Variants in SENP7 observed in about 807,000 individuals in gnomAD.
SENP7 encodes the protein SUMO specific peptidase 7.
SENP7 carries 64 observed loss-of-function variants against 141.2 expected under a neutral mutation model. The observed-to-expected ratio is 0.45, with a 90% CI of 0.37 to 0.56. The LOEUF is 0.56. Ranked by LOEUF, SENP7 falls within the 20% of genes least tolerant of loss-of-function variation. The pLI is 0.00. For synonymous variants in SENP7, 382 were observed against 426.4 expected, an observed-to-expected ratio of 0.90 and a Z score of 1.28; for missense variants, 1,025 against 1,212.2, an observed-to-expected ratio of 0.85 and a Z score of 2.29.
At position 101,332,234 on chromosome 3, in the gene SENP7, A is replaced by G. The variant is rs935547521; in HGVS notation, c.2574-125T>C. On this transcript the variant is annotated intron_variant, in intron 18 of 23. Coordinates refer to ENST00000394095, the MANE Select transcript of SENP7 (RefSeq NM_020654.5). The stretch of plus-strand genomic sequence containing the variant: ...TAATTTTGAAGACATCCACTGTAAC[A>G]TCTCATTATAATATAGAGCATACAT... 29 of 905,956 alleles carry G rather than the reference A, an allele frequency of 3.2e-5. No individual in the cohort carries two copies. In the African/African-American group the frequency reaches 3.7e-4, roughly 12 times the overall value. The allele number at this position is 905,956 out of a possible 1,614,324, so 56.1% of individuals were successfully genotyped here. A position where few individuals can be genotyped will look rare whatever the true frequency, so the allele number is the denominator to read the frequency against.
intron 4 of SENP7, among the ~76,000 whole-genome samples, chr3:101,430,650 C>T (rs988685547): frequency 4.1e-4 from 62 of 152,260 alleles, no homozygotes; most frequent in African/African-American, 1.5e-3. Flanking sequence ...CTCCTGGATT[C>T]ACTGATTTTT....
intron 4 of SENP7, among the ~76,000 whole-genome samples, chr3:101,456,954 T>G (rs1204165026): frequency 1.8e-5 from 1 of 56,396 alleles, no homozygotes; most frequent in African/African-American, 5.1e-5. Context: ...TTGTTTTGTT[T>G]TGTTTTGTTT....
rs2059997662 is a variant in SENP7, at chr3:101,365,005, G to T, written c.1319-14C>A. 1 of 1,444,568 alleles carries T rather than the reference G, an allele frequency of 6.9e-7. No individual in the cohort carries two copies. 89.5% of individuals were successfully genotyped at this position (1,444,568 alleles called of 1,614,324 possible). On this transcript the variant is annotated splice_polypyrimidine_tract_variant and intron_variant, in intron 9 of 23. Coordinates refer to ENST00000394095, the MANE Select transcript of SENP7 (RefSeq NM_020654.5). ...TGGAAACAACAACTAAAACGGAAAA[G>T]AAAAATGTATTTTTGTTTATTTATT...
intron 13 of SENP7, among the ~76,000 whole-genome samples, chr3:101,346,978 G>A (rs1174445693): frequency 6.7e-6 from 1 of 149,132 alleles, no homozygotes; most frequent in African/African-American, 2.5e-5. Flanking sequence ...AGGAGGAGGA[G>A]GAAGGAGGGA....
chr3:101,471,886 C>A (rs929502187), intron 3 of SENP7, among the ~76,000 whole-genome samples: 1 of 152,178 alleles, frequency 6.6e-6, no homozygotes, highest in Non-Finnish European at 1.5e-5. Flanking sequence ...ATGCAGCCAA[C>A]AGACACATGA....
At chr3:101,441,844 A>ACGGAGTCT (rs2062686889) in intron 4 of SENP7, among the ~76,000 whole-genome samples, 1 of 152,216 alleles carries the variant, frequency 6.6e-6, no homozygotes, top group Non-Finnish European at 1.5e-5. Flanking sequence ...TCTCCGTTAG[A>ACGGAGTCT]AACCACAGAT....
In SENP7 at chr3:101,340,981, G is replaced by A. The variant is rs79706682; in HGVS notation, c.2240+665C>T. 6.1e-3 allele frequency among the ~76,000 whole-genome samples: 923 copies of A among 152,276 alleles called. 11 individuals are homozygous for A. The highest frequency in any genetic ancestry group is 0.021 in the African/African-American group (891 of 41,544). On this transcript the variant is annotated intron_variant, in intron 15 of 23. Coordinates refer to ENST00000394095, the MANE Select transcript of SENP7 (RefSeq NM_020654.5). ...AATATGTACTTCTTGCGCCAGAAAG[G>A]TTCAGTATGGTAAGAGTCATCCACA...
At chr3:101,430,540 T>G (rs2062127013) in intron 4 of SENP7, among the ~76,000 whole-genome samples, 1 of 152,222 alleles carries the variant, frequency 6.6e-6, no homozygotes, top group Non-Finnish European at 1.5e-5. Context: ...GATATCCCCT[T>G]TATCATTTTT....
At chr3:101,430,022 T>C (rs1212363924) in intron 4 of SENP7, among the ~76,000 whole-genome samples, 5 of 152,214 alleles carry the variant, frequency 3.3e-5, no homozygotes, top group Admixed American at 2.0e-4. Flanking sequence ...CAGCTTTGCA[T>C]CCCAGTGATG....
chr3:101,403,271 T>TA (rs758897481), intron 5 of SENP7, among the ~76,000 whole-genome samples: 3 of 152,208 alleles, frequency 2.0e-5, no homozygotes, highest in Non-Finnish European at 4.4e-5. Flanking sequence ...GCACTATGAC[T>TA]AAAACAATGC....
At chr3:101,330,493 TA>T in intron 19 of SENP7, 107 bp from the exon 20 acceptor site, 5 of 579,624 alleles carry the variant, frequency 8.6e-6, no homozygotes, top group Non-Finnish European at 1.5e-5. Context: ...GGATGCACAG[TA>T]AAAATACTTG....
chr3:101,330,413 G>C, intron 19 of SENP7, 27 bp from the exon 20 acceptor site: 1 of 1,528,120 alleles, frequency 6.5e-7, no homozygotes, highest in Non-Finnish European at 9.0e-7. Flanking sequence ...AAGCAGTTAT[G>C]AGTGTTTATT....
intron 9 of SENP7, 82 bp downstream of exon 9, chr3:101,366,348 C>T: frequency 9.3e-7 from 1 of 1,079,812 alleles, no homozygotes; most frequent in Non-Finnish European, 1.3e-6. Flanking sequence ...ATGGCCTTAG[C>T]CAAATTTGTT....
chr3:101,509,008 T>A (rs1044620348), intron 1 of SENP7, among the ~76,000 whole-genome samples: 1 of 152,182 alleles, frequency 6.6e-6, no homozygotes, highest in African/African-American at 2.4e-5. Context: ...TCTCAAGATC[T>A]GTCTATATCT....
rs142118812 is a variant in SENP7, at chr3:101,497,299, A to G, written c.91-3331T>C. ...ATATGTATGTTGTATGTGTGAACAT[A>G]TATTTTTCTAGTCTTGTCTGTTGAG... On this transcript the variant is annotated intron_variant, in intron 2 of 23. Coordinates refer to ENST00000394095, the MANE Select transcript of SENP7 (RefSeq NM_020654.5). Among the ~76,000 whole-genome samples the G allele has an allele frequency of 3.9e-3, 598 of 152,346 alleles. 3 individuals are homozygous for G. Among genetic ancestry groups the G allele is most frequent in the African/African-American group, 0.014 (568 of 41,582 alleles).
chr3:101,351,751 A>G (rs947272646), intron 11 of SENP7, 100 bp from the exon 12 acceptor site: 17 of 882,572 alleles, frequency 1.9e-5, no homozygotes, highest in Admixed American at 4.4e-5. Flanking sequence ...CAAAGTCTAC[A>G]TTATAAGTGC....
intron 4 of SENP7, among the ~76,000 whole-genome samples, chr3:101,433,484 G>C (rs2062263033): frequency 6.6e-6 from 1 of 152,070 alleles, no homozygotes; most frequent in African/African-American, 2.4e-5. Context: ...CAGACTGGCT[G>C]AATGGATGAA....
chr3:101,365,147 C>T (rs571013781), intron 9 of SENP7, among the ~76,000 whole-genome samples, 156 bp from the exon 10 acceptor site: 1 of 151,846 alleles, frequency 6.6e-6, no homozygotes. Flanking sequence ...GAATTACAGG[C>T]ATGCGCCACC....
chr3:101,394,292 T>A (rs1449200847), intron 6 of SENP7, among the ~76,000 whole-genome samples: 1 of 152,200 alleles, frequency 6.6e-6, no homozygotes, highest in East Asian at 1.9e-4. Context: ...TTCTTTTTTA[T>A]GGCTGAATGG....
Sources: gnomAD v4.1 joint callset for allele counts (sites outside exome capture counted in the v4.1 genomes callset) on GRCh38, gnomAD v4.1.1 for gene constraint, MANE v1.5 for transcripts, NCBI Gene and HGNC (gene_info 2026-07-23, HGNC 2026-07-21) for gene names.